Variants in NTRK1 observed in about 807,000 individuals in gnomAD.
NTRK1 encodes high affinity nerve growth factor receptor.
A neutral mutation model predicts 86.8 loss-of-function variants in NTRK1; 62 were observed. The observed-to-expected ratio is 0.71, with a 90% confidence interval of 0.58 to 0.88. The LOEUF is 0.88. Among genes scored for constraint, NTRK1 ranks in the 40% least tolerant of loss-of-function variants. The probability of loss-of-function intolerance (pLI) is 0.00; values close to 1 mark genes in which losing one functional copy is unlikely to be tolerated. For missense variants in NTRK1, 967 were observed against 1,078.4 expected, an observed-to-expected ratio of 0.90 and a Z score of 1.45; for synonymous variants, 469 against 456.6, an observed-to-expected ratio of 1.03 and a Z score of -0.35.
At chr1:156,867,798 T>C (rs1233064544) in intron 4 of NTRK1, among the ~76,000 whole-genome samples, 1 of 152,078 alleles carries the variant, frequency 6.6e-6, no homozygotes, top group Non-Finnish European at 1.5e-5. Context: ...CTCAGCCTCC[T>C]GAGTAGGTGG....
At chr1:156,843,148 A>G (rs1459292640) in intron 2 of NTRK1, 2 of 1,614,082 alleles carry the variant, frequency 1.2e-6, no homozygotes, top group South Asian at 2.2e-5. Flanking sequence ...CCAGCCCCTC[A>G]TATACCATCC....
rs774009893 is a variant in NTRK1, at chr1:156,881,681, C to T, written c.*39C>T. ...GGGCTGGGAGTGGTTAGCCGGAATA[C>T]TGGGGCCTGCCCTCAGCATCCCCCA... On this transcript the variant is annotated 3_prime_UTR_variant, in exon 17 of 17. Coordinates refer to ENST00000524377, the MANE Select transcript of NTRK1 (RefSeq NM_002529.4). 557 of 1,563,506 alleles carry T rather than the reference C, an allele frequency of 3.6e-4. No individual in the cohort carries two copies. The highest frequency in any genetic ancestry group is 4.5e-4 in the Non-Finnish European group (517 of 1,153,052).
intron 2 of NTRK1, among the ~76,000 whole-genome samples, chr1:156,849,916 C>A (rs1312165439): frequency 1.4e-5 from 2 of 146,248 alleles, no homozygotes; most frequent in African/African-American, 5.0e-5. Context: ...TAGATGGTAA[C>A]TTTTTTTTTT....
chr1:156,874,671 G>A (rs1396414547), intron 10 of NTRK1, 45 bp downstream of exon 10: 1 of 1,577,078 alleles, frequency 6.3e-7, no homozygotes, highest in East Asian at 2.3e-5. Context: ...GGACCGGGAG[G>A]CTGGGTAGAG....
intron 15 of NTRK1, 105 bp downstream of exon 15, chr1:156,879,467 C>T (rs1026385422): frequency 7.1e-7 from 1 of 1,403,220 alleles, no homozygotes; most frequent in South Asian, 1.4e-5. Context: ...CTGCATGGGT[C>T]TGAGATTCAC....
Position 156,880,146 on chromosome 1 carries a change from T to G in NTRK1, c.2194T>G (p.Ser732Ala), listed in dbSNP as rs1188636387. The stretch of plus-strand genomic sequence containing the variant: ...CGGCAAGCAGCCCTGGTACCAGCTC[T>G]CCAACACGGAGGTCAGCCCCGGCCC... ...TYGKQPWYQL[S>A]NTEAIDCITQ... is the part of the protein sequence containing the mutation. The change falls in exon 16 of 17, where the codon TCC (serine) becomes GCC (alanine). Residue 732 changes from serine to alanine, a missense_variant. This residue lies in a region of NTRK1 where 637 missense variants were observed against 776.5 expected (regional missense o/e 0.82). Transcript: ENST00000524377. The G allele has an allele frequency of 6.2e-7, 1 of 1,613,166 alleles. No individual in the cohort carries two copies. Among genetic ancestry groups the G allele is most frequent in the Non-Finnish European group, 8.5e-7 (1 of 1,179,970 alleles).
chr1:156,880,265 T>C (rs41267429), intron 16 of NTRK1, 108 bp downstream of exon 16: 8 of 1,249,530 alleles, frequency 6.4e-6, no homozygotes, highest in Non-Finnish European at 9.1e-6. Context: ...CCACAGCCTG[T>C]TGGGGGGCCC....
At position 156,843,610 on chromosome 1, in the gene NTRK1, A is replaced by G. The variant is rs1014057316; in HGVS notation, c.50+1417A>G. ...CACACCCCCAGCCTTGGTCAGGGTG[A>G]CTCCTGGGGATCCCTAAGTACCCTC... is the stretch of plus-strand genomic sequence containing the variant. On this transcript the variant is annotated intron_variant, in intron 2 of 16. Coordinates refer to the NTRK1 transcript ENST00000392302. 3.2e-6 allele frequency: 3 copies of G among 924,926 alleles called. No homozygotes were observed. The African/African-American group carries it at 4.9e-5, about 15-fold the overall frequency. The allele number at this position is 924,926 out of a possible 1,614,324, so 57.3% of individuals were successfully genotyped here. A position where few individuals can be genotyped will look rare whatever the true frequency, so the allele number is the denominator to read the frequency against.
chr1:156,839,070 T>C (rs1654672314), intron 1 of NTRK1, among the ~76,000 whole-genome samples: 1 of 152,176 alleles, frequency 6.6e-6, no homozygotes. Context: ...CTGGTAACCA[T>C]TAGGGGTCAC....
Position 156,874,395 on chromosome 1 carries a change from C to G in NTRK1, c.1190C>G (p.Pro397Arg), listed in dbSNP as rs752761451. ...PEDPIPVSFS[P>R]VDTNSTSGDP... ...CCTCCTGCTGCAGTCTCCTTCTCGC[C>G]GGTGGGTGAGTAGCCCAAGGTGGAG... The change falls in exon 9 of 17, where the codon CCG (proline) becomes CGG (arginine). Residue 397 changes from proline (P) to arginine (R), a missense_variant. Physicochemically the swap from Pro to Arg is moderately radical, Grantham distance 103. Around this residue, in one of 2 missense-constraint regions of NTRK1, gnomAD observed 637 missense variants for 776.5 expected, o/e 0.82. Coordinates refer to ENST00000524377, the MANE Select transcript of NTRK1 (RefSeq NM_002529.4). The G allele has an allele frequency of 1.2e-6, 2 of 1,614,134 alleles. No homozygotes were observed. Among genetic ancestry groups the G allele is most frequent in the Non-Finnish European group, 1.7e-6 (2 of 1,180,026 alleles).
At chr1:156,842,524 G>A in intron 2 of NTRK1, 1 of 1,600,466 alleles carries the variant, frequency 6.2e-7, no homozygotes, top group Non-Finnish European at 8.6e-7. Context: ...ACAGACAAAG[G>A]GCCTAGCAGA....
At position 156,873,791 on chromosome 1, in the gene NTRK1, G is replaced by C. The variant is rs1323232384; in HGVS notation, c.1009G>C (p.Ala337Pro). ...FIFTEFLEPA[A>P]NETVRHGCLR... ...CTTCACTGAGTTCCTGGAGCCGGCA[G>C]CCAATGAGACCGTGCGGCACGGGTG... is the stretch of plus-strand genomic sequence containing the variant. Residue 337 changes from alanine to proline, a missense_variant, in exon 8 of 17, where the codon GCC becomes CCC. Ala to Pro is a conservative substitution (Grantham distance 27). Transcript: ENST00000524377. 4 of 1,613,334 alleles carry C rather than the reference G, an allele frequency of 2.5e-6. No individual in the cohort carries two copies. The highest frequency in any genetic ancestry group is 3.4e-6 in the Non-Finnish European group (4 of 1,179,752).
chr1:156,827,466 T>C (rs1406220907), intron 1 of NTRK1, among the ~76,000 whole-genome samples: 1 of 152,154 alleles, frequency 6.6e-6, no homozygotes, highest in Non-Finnish European at 1.5e-5. Flanking sequence ...TTCACCATGT[T>C]GGCAAGCCTA....
intron 1 of NTRK1, among the ~76,000 whole-genome samples, chr1:156,838,179 A>C (rs1259626999): frequency 1.3e-5 from 2 of 151,640 alleles, no homozygotes. Context: ...AGAGAACTCC[A>C]ACCTGTTCTC....
intron 2 of NTRK1, among the ~76,000 whole-genome samples, chr1:156,849,634 T>C (rs1454466532): frequency 6.6e-6 from 1 of 152,196 alleles, no homozygotes; most frequent in Non-Finnish European, 1.5e-5. Flanking sequence ...TCTGTGCCAC[T>C]GACCAGGAGT....
In NTRK1 at chr1:156,876,507, CG is replaced by C. The variant is rs769508694; in HGVS notation, c.1741del (p.Glu581ArgfsTer77). ...HIVRFFGVCTEGRPLLMVFEY... is the reference protein window; with the variant it reads ...HIVRFFGVCTXGRPLLMVFEY... ...TCGTGCGCTTCTTCGGCGTCTGCAC[CG>C]AGGGCCGCCCCCTGCTCATGGTCTT... On this transcript the variant is annotated frameshift_variant, in exon 14 of 17. Transcript: ENST00000524377. LOFTEE classifies it high-confidence loss of function. 1.2e-6 allele frequency: 2 copies of C among 1,613,592 alleles called. No homozygotes were observed. The highest frequency in any genetic ancestry group is 1.7e-6 in the Non-Finnish European group (2 of 1,180,026).
At chr1:156,846,912 G>C (rs1047135981) in intron 2 of NTRK1, among the ~76,000 whole-genome samples, 1 of 152,178 alleles carries the variant, frequency 6.6e-6, no homozygotes, top group Admixed American at 6.5e-5. Context: ...GGCAAGGGGG[G>C]GCGGAGGAGG....
intron 15 of NTRK1, 35 bp from the exon 16 acceptor site, chr1:156,879,964 G>A (rs1054337260): frequency 3.1e-6 from 5 of 1,609,988 alleles, no homozygotes; most frequent in Admixed American, 3.3e-5. Flanking sequence ...TGTCCCAGGC[G>A]CCCCTGGAAT....
intron 2 of NTRK1, among the ~76,000 whole-genome samples, chr1:156,852,390 C>T (rs1038771019): frequency 1.3e-5 from 2 of 152,266 alleles, no homozygotes; most frequent in South Asian, 4.1e-4. Context: ...GTCTGTGGCT[C>T]CCCACCTCCC....
Sources: allele counts gnomAD v4.1 joint callset (sites outside exome capture counted in the v4.1 genomes callset), GRCh38; gene constraint gnomAD v4.1.1; regional missense constraint gnomAD v4.1.1; transcripts MANE v1.5; gene names NCBI Gene and HGNC (gene_info 2026-07-23, HGNC 2026-07-21).